Variants in CPQ observed in about 807,000 individuals in gnomAD.
CPQ encodes carboxypeptidase Q, also known as Ser-Met dipeptidase.
In CPQ, 37 loss-of-function variants were observed where a neutral mutation model predicts 45.7. The observed-to-expected ratio is 0.81, with a 90% CI of 0.62 to 1.07. The LOEUF is 1.07. Among genes scored for constraint, CPQ ranks in the 50% least tolerant of loss-of-function variants. The pLI is 0.00. For synonymous variants in CPQ, 186 were observed against 205.8 expected (o/e 0.90, Z 0.82); for missense variants, 537 against 572.9 (o/e 0.94, Z 0.64).
chr8:96,814,020 A>G (rs1010299743), intron 2 of CPQ, among the ~76,000 whole-genome samples: 15 of 151,994 alleles, frequency 9.9e-5, no homozygotes, highest in Non-Finnish European at 2.2e-4. Flanking sequence ...ATACACACAT[A>G]CATATATATG....
At chr8:97,016,841 G>A (rs1224365805) in intron 5 of CPQ, among the ~76,000 whole-genome samples, 1 of 152,166 alleles carries the variant, frequency 6.6e-6, no homozygotes, top group East Asian at 1.9e-4. Flanking sequence ...TAGGAAATAT[G>A]GTATAGCTAG....
intron 6 of CPQ, among the ~76,000 whole-genome samples, chr8:97,046,643 C>A (rs928843145): frequency 1.3e-5 from 2 of 152,186 alleles, no homozygotes; most frequent in Non-Finnish European, 2.9e-5. Context: ...CTCATCCAAT[C>A]AGATGCACTC....
intron 7 of CPQ, among the ~76,000 whole-genome samples, chr8:97,113,402 G>A (rs1586547410): frequency 6.6e-6 from 1 of 152,240 alleles, no homozygotes; most frequent in Non-Finnish European, 1.5e-5. Context: ...AGAATGAAGA[G>A]GATGAGTGAA....
intron 4 of CPQ, among the ~76,000 whole-genome samples, chr8:96,963,618 A>G (rs78434433): frequency 2.1e-3 from 314 of 152,326 alleles, no homozygotes; most frequent in Middle Eastern, 6.8e-3. Flanking sequence ...AGATTGGTTC[A>G]ACTTTGGTTT....
At chr8:97,043,681 G>C (rs867940069) in intron 6 of CPQ, among the ~76,000 whole-genome samples, 3 of 152,116 alleles carry the variant, frequency 2.0e-5, no homozygotes, top group Admixed American at 6.5e-5. Context: ...GGGCAGGCCT[G>C]GTGGTGACAA....
At chr8:96,774,404 G>A (rs576490259) in intron 1 of CPQ, among the ~76,000 whole-genome samples, 1 of 152,248 alleles carries the variant, frequency 6.6e-6, no homozygotes, top group African/African-American at 2.4e-5. Context: ...CCTTTGATCT[G>A]GGCTTAAGAT....
At chr8:96,690,339 T>C (rs1043650937) in intron 1 of CPQ, among the ~76,000 whole-genome samples, 6 of 152,146 alleles carry the variant, frequency 3.9e-5, no homozygotes, top group Non-Finnish European at 7.4e-5. Context: ...GGGCACCCCA[T>C]TGTGTTCTAG....
intron 4 of CPQ, among the ~76,000 whole-genome samples, chr8:96,895,387 AG>A (rs1254332557): frequency 3.3e-5 from 5 of 152,150 alleles, no homozygotes; most frequent in Non-Finnish European, 5.9e-5. Flanking sequence ...TGTCAAATCT[AG>A]TTGTTGTTTA....
chr8:96,902,840 G>A (rs536511527), intron 4 of CPQ, among the ~76,000 whole-genome samples: 56 of 152,252 alleles, frequency 3.7e-4, no homozygotes, highest in Admixed American at 2.4e-3. Flanking sequence ...ACCAGAGGAG[G>A]GCAATGGACA....
At chr8:96,669,456 C>A (rs1292431836) in intron 1 of CPQ, among the ~76,000 whole-genome samples, 2 of 152,178 alleles carry the variant, frequency 1.3e-5, no homozygotes, top group African/African-American at 2.4e-5. Flanking sequence ...TCCCACTCTC[C>A]ATTGCCCCTG....
chr8:97,073,350 T>C (rs1810785627), intron 7 of CPQ, among the ~76,000 whole-genome samples: 1 of 152,222 alleles, frequency 6.6e-6, no homozygotes, highest in Admixed American at 6.5e-5. Context: ...AAATTGAAGG[T>C]TCAGCCTCTG....
rs564288475 is a variant in CPQ at position 97,088,618 on chromosome 8, C to T, written c.1255+22408C>T. Among the ~76,000 whole-genome samples the T allele has an allele frequency of 1.1e-4, 17 of 152,268 alleles. No individual in the cohort carries two copies. The South Asian group carries it at 3.3e-3, about 30-fold the overall frequency. On this transcript the variant is annotated intron_variant, in intron 7 of 7. Transcript: ENST00000220763. ...AATGAGAATAATTGATATTTAAATG[C>T]TACAGTAGCTGAGGCTAATGTTTCT...
chr8:96,965,907 T>C lies in CPQ; in HGVS notation c.850-28T>C, dbSNP rs201870487. 154 of 1,454,270 alleles carry C rather than the reference T, an allele frequency of 1.1e-4. 3 individuals are homozygous for C. In the East Asian group the frequency reaches 3.4e-3, roughly 32 times the overall value. The allele number at this position is 1,454,270 out of a possible 1,614,324, so 90.1% of individuals were successfully genotyped here. A position where few individuals can be genotyped will look rare whatever the true frequency, so the allele number is the denominator to read the frequency against. ...TTGATGTCATTTTTGCTTAGTTTTA[T>C]TTTTTAACTTTTTATTATTTGTTCT... On this transcript the variant is annotated intron_variant, in intron 4 of 7. Coordinates refer to ENST00000220763, the MANE Select transcript of CPQ (RefSeq NM_016134.4).
rs1396385290 is a variant in CPQ, at chr8:96,928,124, TTGAC to T, written c.850-37808_850-37805del. The stretch of plus-strand genomic sequence containing the variant: ...CCAATTACTCAATTCATTTTATGGG[TTGAC>T]TGTGCCCATCTTTTACTCTCATGAA... On this transcript the variant is annotated intron_variant, in intron 4 of 7. Coordinates refer to ENST00000220763, the MANE Select transcript of CPQ (RefSeq NM_016134.4). Among the ~76,000 whole-genome samples the T allele has an allele frequency of 2.0e-5, 3 of 152,140 alleles. No individual in the cohort carries two copies. In the East Asian group the frequency reaches 5.8e-4, roughly 29 times the overall value.
intron 5 of CPQ, among the ~76,000 whole-genome samples, chr8:97,017,934 T>C (rs4734356): frequency 1 from 152,002 of 152,232 alleles, 75,890 homozygotes; most frequent in Non-Finnish European, 1. Flanking sequence ...GATAACCAGC[T>C]CAAAAATAGT....
chr8:97,010,698 C>T (rs994602755), intron 5 of CPQ, among the ~76,000 whole-genome samples: 1 of 152,130 alleles, frequency 6.6e-6, no homozygotes, highest in South Asian at 2.1e-4. Context: ...CCCTCCAGAT[C>T]TATTCCTAAA....
intron 2 of CPQ, among the ~76,000 whole-genome samples, chr8:96,798,839 C>G (rs1421978356): frequency 4.6e-5 from 7 of 151,984 alleles, no homozygotes; most frequent in African/African-American, 1.5e-4. Context: ...ACATGGTTAT[C>G]TCCTCTGAAA....
intron 1 of CPQ, among the ~76,000 whole-genome samples, chr8:96,715,988 A>G (rs1279437986): frequency 2.0e-5 from 3 of 152,366 alleles, no homozygotes; most frequent in African/African-American, 4.8e-5. Context: ...GGGGAGTGAC[A>G]TAGACTCTGT....
At chr8:97,123,669 A>G (rs1811795959) in intron 7 of CPQ, among the ~76,000 whole-genome samples, 1 of 152,124 alleles carries the variant, frequency 6.6e-6, no homozygotes, top group Non-Finnish European at 1.5e-5. Flanking sequence ...ATATATCAGT[A>G]ATTACATTAG....
Sources: allele counts gnomAD v4.1 joint callset (sites outside exome capture counted in the v4.1 genomes callset), GRCh38; gene constraint gnomAD v4.1.1; transcripts MANE v1.5; gene names NCBI Gene and HGNC (gene_info 2026-07-23, HGNC 2026-07-21).